Variants in ADAM12 observed in about 807,000 individuals in gnomAD.
ADAM12 encodes the protein ADAM metallopeptidase domain 12, also known as disintegrin and metalloproteinase domain-containing protein 12.
Under a neutral mutation model 106.4 loss-of-function variants are expected in ADAM12, and 70 were observed. The ratio of observed to expected loss-of-function variants is 0.66; its 90% confidence interval spans 0.54 to 0.80. The LOEUF (loss-of-function observed/expected upper bound fraction) is 0.80, where lower values mean the gene tolerates loss of function less well. Among genes scored for constraint, ADAM12 ranks in the 30% least tolerant of loss-of-function variants. ADAM12 has a pLI of 0.00. For missense variants in ADAM12, 1,010 were observed against 1,171.9 expected, an observed-to-expected ratio of 0.86 and a Z score of 2.02; for synonymous variants, 420 against 433.5, an observed-to-expected ratio of 0.97 and a Z score of 0.39.
chr10:126,301,630 G>A (rs1242346878), intron 2 of ADAM12, among the ~76,000 whole-genome samples: 1 of 152,116 alleles, frequency 6.6e-6, no homozygotes, highest in Non-Finnish European at 1.5e-5. Context: ...GGAGAAGCAG[G>A]TTGTATTTAT....
intron 2 of ADAM12, among the ~76,000 whole-genome samples, chr10:126,296,788 TA>T (rs1960400495): frequency 6.6e-6 from 1 of 152,254 alleles, no homozygotes; most frequent in South Asian, 2.1e-4. Flanking sequence ...GAACTGCTAT[TA>T]TACCAGGTTT....
At chr10:126,157,960 C>T (rs1956849791) in intron 3 of ADAM12, among the ~76,000 whole-genome samples, 1 of 152,192 alleles carries the variant, frequency 6.6e-6, no homozygotes, top group Non-Finnish European at 1.5e-5. Context: ...TAGAGAGCTC[C>T]AGGATGGTGG....
rs1953649335 is a variant in ADAM12 at position 126,015,658 on chromosome 10, T to A, written c.*1621A>T. On this transcript the variant is annotated 3_prime_UTR_variant, in exon 23 of 23. Coordinates refer to ENST00000448723, the MANE Select transcript of ADAM12 (RefSeq NM_001288973.2). ...AACACCGGGAAAGTGAAATGCAGTT[T>A]TGTTTTCTGGAAGGCAAACCAAGAT... The A allele has an allele frequency of 6.6e-6, 1 of 152,200 alleles. No individual in the cohort carries two copies. Among genetic ancestry groups the A allele is most frequent in the African/African-American group, 2.4e-5 (1 of 41,450 alleles). The allele number at this position is 152,200 out of a possible 1,614,324, so 9.4% of individuals were successfully genotyped here. A position where few individuals can be genotyped will look rare whatever the true frequency, so the allele number is the denominator to read the frequency against.
intron 2 of ADAM12, among the ~76,000 whole-genome samples, chr10:126,295,927 A>ACG (rs1354155293): frequency 6.6e-6 from 1 of 151,358 alleles, no homozygotes; most frequent in Non-Finnish European, 1.5e-5. Context: ...ACACACACAC[A>ACG]CATAAACACA....
chr10:126,189,965 G>A (rs1957467582), intron 3 of ADAM12, among the ~76,000 whole-genome samples: 1 of 152,072 alleles, frequency 6.6e-6, no homozygotes, highest in Non-Finnish European at 1.5e-5. Context: ...TCCTGTAGAC[G>A]TTTGTCTCTT....
At chr10:126,092,811 G>A (rs1955490641) in intron 11 of ADAM12, among the ~76,000 whole-genome samples, 1 of 152,220 alleles carries the variant, frequency 6.6e-6, no homozygotes, top group African/African-American at 2.4e-5. Flanking sequence ...TGGCTCCCAT[G>A]AAAGGACAAT....
intron 21 of ADAM12, among the ~76,000 whole-genome samples, chr10:126,020,132 T>G (rs1953736248): frequency 6.6e-6 from 1 of 152,220 alleles, no homozygotes; most frequent in Non-Finnish European, 1.5e-5. Flanking sequence ...TTTCCTGTGC[T>G]TTTAGTTAGG....
intron 1 of ADAM12, among the ~76,000 whole-genome samples, chr10:126,335,945 T>C (rs1430322271): frequency 6.6e-6 from 1 of 151,438 alleles, no homozygotes; most frequent in Non-Finnish European, 1.5e-5. Context: ...TACCAACCAG[T>C]AATCGTCAAA....
At chr10:126,028,126 G>T (rs1438038296) in intron 21 of ADAM12, among the ~76,000 whole-genome samples, 1 of 151,900 alleles carries the variant, frequency 6.6e-6, no homozygotes, top group African/African-American at 2.4e-5. Flanking sequence ...GCAGCTACAA[G>T]GGACATGAAG....
intron 21 of ADAM12, among the ~76,000 whole-genome samples, chr10:126,022,355 C>A (rs1375311721): frequency 6.6e-6 from 1 of 152,228 alleles, no homozygotes. Context: ...CAGGCACCAT[C>A]TGCTTCCTCC....
At chr10:126,135,058 G>C (rs1165234116) in intron 5 of ADAM12, among the ~76,000 whole-genome samples, 1 of 152,204 alleles carries the variant, frequency 6.6e-6, no homozygotes, top group Non-Finnish European at 1.5e-5. Context: ...TGTCTAGCAT[G>C]GGAAGGTAAT....
intron 2 of ADAM12, among the ~76,000 whole-genome samples, chr10:126,313,925 G>A (rs762906552): frequency 6.6e-6 from 1 of 152,024 alleles, no homozygotes. Flanking sequence ...ATGAGATAAT[G>A]AGGGAAGGAA....
intron 6 of ADAM12, 53 bp from the exon 7 acceptor site, chr10:126,109,893 G>T: frequency 6.5e-7 from 1 of 1,540,568 alleles, no homozygotes. Flanking sequence ...CTGGCATTAA[G>T]ACTGTCAATG....
chr10:126,212,628 C>A lies in ADAM12; in HGVS notation c.261-57323G>T, dbSNP rs536678632. Among the ~76,000 whole-genome samples the A allele has an allele frequency of 5.3e-5, 8 of 152,230 alleles. No individual in the cohort carries two copies. The East Asian group carries it at 1.5e-3, about 29-fold the overall frequency. On this transcript the variant is annotated intron_variant, in intron 3 of 22. Coordinates refer to ENST00000448723, the MANE Select transcript of ADAM12 (RefSeq NM_001288973.2). ...GAAGAAAACTGGGCTATCTTGGTTTCTCAGTCTTGCCTTGCTAATCTAATT... is the reference window on the plus strand; with the variant it reads ...GAAGAAAACTGGGCTATCTTGGTTTATCAGTCTTGCCTTGCTAATCTAATT...
chr10:126,169,502 GA>G (rs1957081525), intron 3 of ADAM12, among the ~76,000 whole-genome samples: 1 of 152,110 alleles, frequency 6.6e-6, no homozygotes, highest in Non-Finnish European at 1.5e-5. Context: ...CTGAGAATGA[GA>G]AAAATATGGC....
intron 11 of ADAM12, among the ~76,000 whole-genome samples, chr10:126,082,114 C>A (rs571762096): frequency 3.6e-4 from 55 of 152,262 alleles, no homozygotes; most frequent in Non-Finnish European, 6.5e-4. Flanking sequence ...GGAGCACAAC[C>A]AACCAATGAA....
intron 4 of ADAM12, among the ~76,000 whole-genome samples, chr10:126,146,809 G>A (rs532375886): frequency 1.2e-4 from 18 of 152,024 alleles, no homozygotes; most frequent in Middle Eastern, 3.4e-3. Context: ...TTACCCCCAC[G>A]CCTCTGGCCC....
At position 126,362,683 on chromosome 10, in the gene ADAM12, G is replaced by T. The variant is rs1590826630; in HGVS notation, c.88+25375C>A. Among the ~76,000 whole-genome samples the T allele has an allele frequency of 2.0e-5, 3 of 152,222 alleles. No individual in the cohort carries two copies. In the East Asian group the frequency reaches 5.8e-4, roughly 29 times the overall value. On this transcript the variant is annotated intron_variant, in intron 1 of 22. Coordinates refer to ENST00000448723, the MANE Select transcript of ADAM12 (RefSeq NM_001288973.2). ...AGATCATACTAAGTGAAATAAGCCA[G>T]GCACAGACAGACAAATACTGTGTGT...
chr10:126,024,489 C>T (rs895151361), intron 21 of ADAM12, among the ~76,000 whole-genome samples: 3 of 152,146 alleles, frequency 2.0e-5, no homozygotes, highest in Admixed American at 2.0e-4. Flanking sequence ...AAAAAATATA[C>T]ACTACAAATT....
Sources: gnomAD v4.1 joint callset for allele counts (sites outside exome capture counted in the v4.1 genomes callset) on GRCh38, gnomAD v4.1.1 for gene constraint, MANE v1.5 for transcripts, NCBI Gene and HGNC (gene_info 2026-07-23, HGNC 2026-07-21) for gene names.